MTUS2: variants seen among roughly 807,000 people sequenced by gnomAD.
The protein encoded by MTUS2 is microtubule-associated tumor suppressor candidate 2.
Under a neutral mutation model 114.1 loss-of-function variants are expected in MTUS2, and 40 were observed. The ratio of observed to expected loss-of-function variants is 0.35; its 90% CI spans 0.27 to 0.46. The LOEUF is 0.46. MTUS2 is among the 20% of genes least tolerant of loss of function. The probability of loss-of-function intolerance (pLI) is 1.00; values close to 1 mark genes in which losing one functional copy is unlikely to be tolerated. For missense variants in MTUS2, 1,679 were observed against 1,705.4 expected (o/e 0.98, Z 0.27); for synonymous variants, 688 against 672.0 (o/e 1.02, Z -0.37).
intron 12 of MTUS2, among the ~76,000 whole-genome samples, chr13:29,495,766 A>G (rs1882510916): frequency 1.3e-5 from 2 of 151,672 alleles, no homozygotes; most frequent in African/African-American, 4.8e-5. Context: ...AGCTACTTGG[A>G]AGGCTGAGAT....
intron 2 of MTUS2, among the ~76,000 whole-genome samples, chr13:28,931,361 C>G (rs1047275082): frequency 6.6e-6 from 1 of 152,132 alleles, no homozygotes; most frequent in East Asian, 1.9e-4. Flanking sequence ...GAGGGAGGAA[C>G]CTGGTGGGAG....
chr13:29,381,855 T>G (rs953763864), intron 8 of MTUS2, among the ~76,000 whole-genome samples: 12 of 150,492 alleles, frequency 8.0e-5, no homozygotes, highest in African/African-American at 3.0e-4. Flanking sequence ...TTTGATCACC[T>G]CATGAGTAAA....
intron 5 of MTUS2, among the ~76,000 whole-genome samples, chr13:29,180,790 A>G (rs1893967051): frequency 6.6e-6 from 1 of 152,204 alleles, no homozygotes; most frequent in Non-Finnish European, 1.5e-5. Flanking sequence ...CAAGTGGGAC[A>G]GCGCCTATGA....
chr13:28,935,014 T>TTG (rs1881822887), intron 2 of MTUS2, among the ~76,000 whole-genome samples: 4 of 144,232 alleles, frequency 2.8e-5, no homozygotes, highest in African/African-American at 1.1e-4. Flanking sequence ...GCGTTTTTTT[T>TTG]TTTTTTTTTT....
intron 4 of MTUS2, among the ~76,000 whole-genome samples, chr13:29,076,670 C>T (rs963503652): frequency 7.9e-5 from 12 of 152,146 alleles, no homozygotes; most frequent in Non-Finnish European, 1.5e-4. Context: ...GCTTCCCCCT[C>T]GATGAGCAAT....
At chr13:29,185,076 A>C (rs1894166140) in intron 5 of MTUS2, among the ~76,000 whole-genome samples, 1 of 152,156 alleles carries the variant, frequency 6.6e-6, no homozygotes, top group Non-Finnish European at 1.5e-5. Flanking sequence ...AAAAAGATAC[A>C]AAAGTTTTTG....
chr13:29,415,942 A>G (rs1593419545), intron 8 of MTUS2, among the ~76,000 whole-genome samples: 1 of 152,036 alleles, frequency 6.6e-6, no homozygotes, highest in East Asian at 1.9e-4. Flanking sequence ...TTTTACTTTA[A>G]GATGGAGTTT....
chr13:29,375,730 G>A (rs1236808996), intron 8 of MTUS2, among the ~76,000 whole-genome samples: 4 of 149,172 alleles, frequency 2.7e-5, no homozygotes, highest in Admixed American at 6.8e-5. Flanking sequence ...TCTAAGGGGG[G>A]TTACTCAGTA....
intron 4 of MTUS2, among the ~76,000 whole-genome samples, chr13:29,039,666 C>T (rs1887259980): frequency 2.0e-5 from 3 of 152,210 alleles, no homozygotes; most frequent in Admixed American, 6.5e-5. Flanking sequence ...TGCCTGTTGA[C>T]AGAAGGGTGC....
At chr13:29,160,915 A>C (rs1893070079) in intron 5 of MTUS2, among the ~76,000 whole-genome samples, 1 of 152,232 alleles carries the variant, frequency 6.6e-6, no homozygotes, top group Admixed American at 6.5e-5. Context: ...AGCCAGTCCC[A>C]AAGGTTACAT....
chr13:28,826,833 A>G (rs1874302125), intron 1 of MTUS2, among the ~76,000 whole-genome samples: 1 of 152,258 alleles, frequency 6.6e-6, no homozygotes, highest in South Asian at 2.1e-4. Flanking sequence ...AGAAGCAAAT[A>G]ACACTTAATA....
intron 1 of MTUS2, among the ~76,000 whole-genome samples, chr13:28,822,673 GTTTGTA>G (rs1318551787): frequency 6.7e-6 from 1 of 149,762 alleles, no homozygotes; most frequent in Non-Finnish European, 1.5e-5. Context: ...TCATCCCTGA[GTTTGTA>G]TTTGTACTTT....
chr13:29,383,868 A>G (rs1190293836), intron 8 of MTUS2, among the ~76,000 whole-genome samples: 3 of 152,188 alleles, frequency 2.0e-5, no homozygotes, highest in African/African-American at 4.8e-5. Context: ...GGCCACTTAC[A>G]TAGAGGAAAC....
intron 5 of MTUS2, among the ~76,000 whole-genome samples, chr13:29,127,523 A>G (rs952150019): frequency 3.3e-5 from 5 of 152,158 alleles, no homozygotes; most frequent in Admixed American, 6.5e-5. Flanking sequence ...AGAGAAAGAA[A>G]TTGTGCCTCA....
intron 5 of MTUS2, among the ~76,000 whole-genome samples, chr13:29,259,838 A>G (rs1897404378): frequency 6.6e-6 from 1 of 152,222 alleles, no homozygotes; most frequent in Non-Finnish European, 1.5e-5. Context: ...TTTAGTGTGT[A>G]CCACGTGTCA....
At chr13:29,450,338 A>G (rs1878598424) in intron 9 of MTUS2, among the ~76,000 whole-genome samples, 1 of 152,198 alleles carries the variant, frequency 6.6e-6, no homozygotes, top group Admixed American at 6.5e-5. Flanking sequence ...TAGGTCCTCA[A>G]TTGCCTCAAC....
intron 5 of MTUS2, among the ~76,000 whole-genome samples, chr13:29,146,628 T>C (rs915098124): frequency 6.6e-6 from 1 of 152,180 alleles, no homozygotes; most frequent in Non-Finnish European, 1.5e-5. Context: ...ACTATTTACT[T>C]GACACTTAAG....
At chr13:29,158,897 C>T (rs1892981450) in intron 5 of MTUS2, among the ~76,000 whole-genome samples, 2 of 152,174 alleles carry the variant, frequency 1.3e-5, no homozygotes, top group South Asian at 4.1e-4. Flanking sequence ...TCCAGAGAAG[C>T]CCACCAGCGG....
At chr13:28,870,585 T>G (rs567286335) in intron 2 of MTUS2, among the ~76,000 whole-genome samples, 1 of 152,224 alleles carries the variant, frequency 6.6e-6, no homozygotes, top group Admixed American at 6.5e-5. Context: ...TTATTTTGTT[T>G]GATTAAATTT....
Sources: allele counts gnomAD v4.1 joint callset (sites outside exome capture counted in the v4.1 genomes callset), GRCh38; gene constraint gnomAD v4.1.1; transcripts MANE v1.5; gene names NCBI Gene and HGNC (gene_info 2026-07-23, HGNC 2026-07-21).